Variants in SDK1 observed in about 807,000 individuals in gnomAD.
SDK1 encodes protein sidekick-1.
In SDK1, 157 loss-of-function variants were observed where a neutral mutation model predicts 245.5. That is an observed-to-expected ratio of 0.64 (90% CI 0.56 to 0.73). The LOEUF (loss-of-function observed/expected upper bound fraction) is 0.73, where lower values mean the gene tolerates loss of function less well. SDK1 is among the 30% of genes least tolerant of loss of function. The probability of loss-of-function intolerance (pLI) is 0.00; values close to 1 mark genes in which losing one functional copy is unlikely to be tolerated. For synonymous variants in SDK1, 1,647 were observed against 1,278.5 expected (o/e 1.29, Z -6.15); for missense variants, 3,583 against 3,002.3 (o/e 1.19, Z -4.52).
At chr7:3,782,902 C>G (rs974512173) in intron 4 of SDK1, among the ~76,000 whole-genome samples, 1 of 152,100 alleles carries the variant, frequency 6.6e-6, no homozygotes, top group African/African-American at 2.4e-5. Flanking sequence ...GTACCAAAGC[C>G]AAACAAGAAC....
intron 13 of SDK1, among the ~76,000 whole-genome samples, chr7:3,985,340 G>C (rs569994974): frequency 6.6e-6 from 1 of 152,298 alleles, no homozygotes; most frequent in East Asian, 1.9e-4. Flanking sequence ...TTTCTTTTCA[G>C]GTGGGACTTT....
chr7:3,813,435 A>G (rs1020989091), intron 4 of SDK1, among the ~76,000 whole-genome samples: 3 of 139,656 alleles, frequency 2.1e-5, no homozygotes, highest in African/African-American at 5.4e-5. Context: ...TACAAAGGAC[A>G]TGAACTCATC....
intron 38 of SDK1, among the ~76,000 whole-genome samples, chr7:4,211,149 C>T (rs1282919002): frequency 2.0e-5 from 3 of 152,186 alleles, no homozygotes; most frequent in African/African-American, 2.4e-5. Context: ...CCCAATCCCC[C>T]GTCTCAGTGT....
intron 2 of SDK1, among the ~76,000 whole-genome samples, chr7:3,638,115 A>G (rs886316109): frequency 2.6e-5 from 4 of 152,254 alleles, no homozygotes; most frequent in African/African-American, 4.8e-5. Context: ...TGTGAGTTAT[A>G]TCTCCTGTGT....
At chr7:4,015,548 A>G (rs1786327082) in intron 16 of SDK1, among the ~76,000 whole-genome samples, 1 of 152,210 alleles carries the variant, frequency 6.6e-6, no homozygotes, top group East Asian at 1.9e-4. Flanking sequence ...CCTTTCTCCC[A>G]GTGGCCCACC....
intron 4 of SDK1, among the ~76,000 whole-genome samples, chr7:3,813,526 G>T (rs1395536412): frequency 6.7e-6 from 1 of 148,630 alleles, no homozygotes; most frequent in Non-Finnish European, 1.5e-5. Context: ...GGACATTTGG[G>T]TTGGTTCCAA....
chr7:4,264,593 G>A (rs112236936), intron 44 of SDK1, among the ~76,000 whole-genome samples: 9,970 of 119,352 alleles, frequency 0.084, 10 homozygotes, highest in Non-Finnish European at 0.11. Context: ...GGGAGGCCGC[G>A]TGGACCTCTC....
In SDK1 at chr7:4,139,525, A is replaced by ATGTG. The variant is rs367735066; in HGVS notation, c.4229-6189_4229-6186dup. Reference sequence around the variant, plus strand: ...TGTGTATATGTATATATGTGTGTGTATGTGTGTGTGTATATATGTGTGTGT... The same window carrying ATGTG: ...TGTGTATATGTATATATGTGTGTGTATGTGTGTGTGTGTGTATATATGTGTGTGT... On this transcript the variant is annotated intron_variant, in intron 28 of 44. Coordinates refer to ENST00000404826, the MANE Select transcript of SDK1 (RefSeq NM_152744.4). Among the ~76,000 whole-genome samples, 3 of 11,762 alleles carry ATGTG rather than the reference A, an allele frequency of 2.6e-4. 1 individual carries two copies. The highest frequency in any genetic ancestry group is 4.5e-4 in the African/African-American group (3 of 6,604). 7.7% of individuals were successfully genotyped at this position (11,762 alleles called of 152,430 possible). A position where few individuals can be genotyped will look rare whatever the true frequency, so the allele number is the denominator to read the frequency against.
At chr7:3,607,068 G>T (rs969254201) in intron 1 of SDK1, among the ~76,000 whole-genome samples, 4 of 152,052 alleles carry the variant, frequency 2.6e-5, no homozygotes, top group Admixed American at 6.6e-5. Context: ...TCTCTCAATA[G>T]TGTAATGTCA....
At chr7:3,360,761 A>G (rs1478285627) in intron 1 of SDK1, among the ~76,000 whole-genome samples, 1 of 152,076 alleles carries the variant, frequency 6.6e-6, no homozygotes, top group Non-Finnish European at 1.5e-5. Context: ...GTCTGACTGT[A>G]TTAGCAGTCC....
intron 4 of SDK1, among the ~76,000 whole-genome samples, chr7:3,747,486 A>G (rs1306400843): frequency 1.3e-5 from 2 of 152,224 alleles, no homozygotes; most frequent in South Asian, 2.1e-4. Context: ...CTAAGATTTT[A>G]TTTATAGTCA....
At chr7:3,922,744 G>A (rs536620134) in intron 5 of SDK1, among the ~76,000 whole-genome samples, 3 of 152,154 alleles carry the variant, frequency 2.0e-5, no homozygotes, top group South Asian at 4.1e-4. Context: ...GTGGTGGGGC[G>A]CTCCCTTTGC....
chr7:3,698,485 A>G (rs1784639348), intron 4 of SDK1, among the ~76,000 whole-genome samples: 1 of 152,184 alleles, frequency 6.6e-6, no homozygotes, highest in Admixed American at 6.5e-5. Flanking sequence ...CCATCTTCTC[A>G]GTGGTGACAA....
At chr7:3,610,408 T>C (rs942314402) in intron 1 of SDK1, among the ~76,000 whole-genome samples, 1 of 152,280 alleles carries the variant, frequency 6.6e-6, no homozygotes, top group Non-Finnish European at 1.5e-5. Context: ...CTGATAACCT[T>C]ACTCTTATTT....
At chr7:3,783,304 A>C (rs1004210248) in intron 4 of SDK1, among the ~76,000 whole-genome samples, 4 of 152,198 alleles carry the variant, frequency 2.6e-5, no homozygotes, top group African/African-American at 7.2e-5. Flanking sequence ...GACATAGACA[A>C]ACATGCCTAT....
In SDK1 at chr7:3,743,888, A is replaced by G. The variant is rs181037113; in HGVS notation, c.714-77562A>G. Among the ~76,000 whole-genome samples the G allele has an allele frequency of 2.0e-3, 312 of 152,304 alleles. 3 individuals carry two copies. The highest frequency in any genetic ancestry group is 4.2e-3 in the Admixed American group (65 of 15,308). ...TGCCCCCATGAATGGATCATAAAAG[A>G]TGTCTTCCAATGTGCTGACATCATG... is the stretch of plus-strand genomic sequence containing the variant. On this transcript the variant is annotated intron_variant, in intron 4 of 44. Coordinates refer to ENST00000404826, the MANE Select transcript of SDK1 (RefSeq NM_152744.4).
chr7:3,851,262 T>A (rs1467054727), intron 5 of SDK1, among the ~76,000 whole-genome samples: 1 of 152,178 alleles, frequency 6.6e-6, no homozygotes, highest in Non-Finnish European at 1.5e-5. Flanking sequence ...CTTGAAGACA[T>A]GATATAGTCT....
intron 33 of SDK1, among the ~76,000 whole-genome samples, chr7:4,175,399 C>T (rs533808259): frequency 6.6e-6 from 1 of 152,344 alleles, no homozygotes; most frequent in East Asian, 1.9e-4. Context: ...TTGCTCGGCT[C>T]CTCCAGCCGG....
At chr7:3,992,916 C>G in intron 14 of SDK1, among the ~76,000 whole-genome samples, 1 of 152,156 alleles carries the variant, frequency 6.6e-6, no homozygotes, top group East Asian at 1.9e-4. Flanking sequence ...ATAAATATGG[C>G]TATTGCTCTG....
Sources: allele counts gnomAD v4.1 joint callset (sites outside exome capture counted in the v4.1 genomes callset), GRCh38; gene constraint gnomAD v4.1.1; transcripts MANE v1.5; gene names NCBI Gene and HGNC (gene_info 2026-07-23, HGNC 2026-07-21).